PTN: variants seen among roughly 807,000 people sequenced by gnomAD.
The protein encoded by PTN is pleiotrophin.
PTN carries 18 observed loss-of-function variants against 24.1 expected under a neutral mutation model. The observed-to-expected ratio is 0.75, with a 90% CI of 0.52 to 1.11. PTN has a LOEUF of 1.11. PTN is among the 50% of genes least tolerant of loss of function. The probability of loss-of-function intolerance (pLI) is 0.00; values close to 1 mark genes in which losing one functional copy is unlikely to be tolerated. For missense variants in PTN, 163 were observed against 198.8 expected (o/e 0.82, Z 1.08); for synonymous variants, 78 against 68.6 (o/e 1.14, Z -0.67).
chr7:137,302,721 G>T (rs902967607), intron 1 of PTN, among the ~76,000 whole-genome samples: 2 of 151,912 alleles, frequency 1.3e-5, no homozygotes, highest in African/African-American at 4.8e-5. Context: ...ATACTTACCT[G>T]CTGCTTTTAT....
chr7:137,254,305 A>G (rs1037599720), intron 2 of PTN, among the ~76,000 whole-genome samples: 1 of 152,116 alleles, frequency 6.6e-6, no homozygotes, highest in African/African-American at 2.4e-5. Flanking sequence ...CAAAAAAAAA[A>G]AAAAAGAAAT....
intron 4 of PTN, among the ~76,000 whole-genome samples, chr7:137,249,081 C>T (rs1808776517): frequency 6.6e-6 from 1 of 151,980 alleles, no homozygotes; most frequent in African/African-American, 2.4e-5. Flanking sequence ...GAAGACTTCA[C>T]TTATTTCCTA....
chr7:137,239,787 T>C (rs1272137201), intron 4 of PTN, among the ~76,000 whole-genome samples: 3 of 152,176 alleles, frequency 2.0e-5, no homozygotes, highest in Non-Finnish European at 2.9e-5. Context: ...GAATAAGTTG[T>C]AGTATACGAA....
chr7:137,268,182 G>C (rs536442786), intron 1 of PTN, among the ~76,000 whole-genome samples: 1 of 151,964 alleles, frequency 6.6e-6, no homozygotes, highest in Non-Finnish European at 1.5e-5. Context: ...CGGCTCTGGC[G>C]AGGCATCCCA....
intron 1 of PTN, among the ~76,000 whole-genome samples, chr7:137,295,866 T>C (rs1298475153): frequency 6.6e-6 from 1 of 151,902 alleles, no homozygotes; most frequent in Admixed American, 6.6e-5. Flanking sequence ...ATAAAGAAAC[T>C]TGAACCTAGC....
In PTN at chr7:137,283,952, A is replaced by ATTTTTTTTT. The variant is rs753374720; in HGVS notation, c.-1-28987_-1-28979dup. On this transcript the variant is annotated intron_variant, in intron 1 of 4. Coordinates refer to ENST00000348225, the MANE Select transcript of PTN (RefSeq NM_002825.7). ...AAATGAATGTGAAAATGAGCATCAGATTTTTTTTTTTTTTTTTTTTTTTTT... is the reference window on the plus strand; with the variant it reads ...AAATGAATGTGAAAATGAGCATCAGATTTTTTTTTTTTTTTTTTTTTTTTTTTTTTTTTT... Among the ~76,000 whole-genome samples the ATTTTTTTTT allele has an allele frequency of 3.3e-3, 159 of 48,916 alleles. 35 individuals are homozygous for ATTTTTTTTT. The highest frequency in any genetic ancestry group is 0.011 in the East Asian group (14 of 1,294). The allele number at this position is 48,916 out of a possible 152,430, so 32.1% of individuals were successfully genotyped here. A position where few individuals can be genotyped will look rare whatever the true frequency, so the allele number is the denominator to read the frequency against.
intron 1 of PTN, among the ~76,000 whole-genome samples, chr7:137,320,234 T>C (rs1810140612): frequency 6.6e-6 from 1 of 152,202 alleles, no homozygotes; most frequent in South Asian, 2.1e-4. Context: ...CGCCCACACA[T>C]TCACAGGCAC....
intron 3 of PTN, among the ~76,000 whole-genome samples, chr7:137,252,114 T>C (rs1409116985): frequency 6.6e-6 from 1 of 151,940 alleles, no homozygotes; most frequent in Non-Finnish European, 1.5e-5. Flanking sequence ...AATACTCTTT[T>C]TCCACTGTGG....
chr7:137,254,287 C>T (rs1808878914), intron 2 of PTN, among the ~76,000 whole-genome samples: 1 of 146,136 alleles, frequency 6.8e-6, no homozygotes, highest in Admixed American at 6.9e-5. Context: ...CAGAGCGAGA[C>T]TCCAACTCAA....
intron 1 of PTN, among the ~76,000 whole-genome samples, chr7:137,259,715 T>C (rs74575637): frequency 0.049 from 7,509 of 151,750 alleles, 380 homozygotes; most frequent in African/African-American, 0.13. Context: ...CATGATTTAA[T>C]TGAGACCAAC....
Position 137,280,691 on chromosome 7 carries a change from T to TAACAAAAAAAAAAAAA in PTN, c.-1-25718_-1-25717insTTTTTTTTTTTTTGTT, listed in dbSNP as rs760779128. Among the ~76,000 whole-genome samples the TAACAAAAAAAAAAAAA allele has an allele frequency of 3.0e-3, 44 of 14,740 alleles. 3 individuals are homozygous for TAACAAAAAAAAAAAAA. Among genetic ancestry groups the TAACAAAAAAAAAAAAA allele is most frequent in the African/African-American group, 5.2e-3 (29 of 5,528 alleles). 9.7% of individuals were successfully genotyped at this position (14,740 alleles called of 152,430 possible). On this transcript the variant is annotated intron_variant, in intron 1 of 4. Coordinates refer to ENST00000348225, the MANE Select transcript of PTN (RefSeq NM_002825.7). ...CAACATGGCAAAACCCCGTCTCTAC[T>TAACAAAAAAAAAAAAA]AAAAATACAAAAAAAAAAAAAAAAA...
intron 3 of PTN, among the ~76,000 whole-genome samples, chr7:137,251,823 A>C (rs1340801139): frequency 6.6e-6 from 1 of 151,926 alleles, no homozygotes. Context: ...TTTATTTAGC[A>C]TAATTTCCTG....
intron 1 of PTN, among the ~76,000 whole-genome samples, chr7:137,340,264 T>G (rs1810513568): frequency 6.6e-6 from 1 of 152,250 alleles, no homozygotes. Flanking sequence ...ATATTTATAA[T>G]ACCCTCTGAT....
intron 1 of PTN, among the ~76,000 whole-genome samples, chr7:137,325,110 G>A (rs1810237189): frequency 6.6e-6 from 1 of 152,082 alleles, no homozygotes; most frequent in African/African-American, 2.4e-5. Flanking sequence ...CAAATTATCT[G>A]GACCAGGAAT....
intron 1 of PTN, among the ~76,000 whole-genome samples, chr7:137,274,523 C>T (rs1809329460): frequency 6.6e-6 from 1 of 152,062 alleles, no homozygotes; most frequent in African/African-American, 2.4e-5. Context: ...GGCCCCCACC[C>T]CCCGACAGGC....
chr7:137,273,721 A>C (rs1211467270), intron 1 of PTN, among the ~76,000 whole-genome samples: 4 of 152,102 alleles, frequency 2.6e-5, no homozygotes, highest in Non-Finnish European at 5.9e-5. Context: ...TGTGAGGGGG[A>C]AAGGAATAGA....
intron 4 of PTN, among the ~76,000 whole-genome samples, chr7:137,250,505 G>C (rs115066438): frequency 1.8e-3 from 272 of 152,318 alleles, no homozygotes; most frequent in African/African-American, 6.1e-3. Flanking sequence ...GTGACATTGT[G>C]AGGGGGTTAA....
At chr7:137,304,183 C>A (rs950501772) in intron 1 of PTN, among the ~76,000 whole-genome samples, 1 of 151,994 alleles carries the variant, frequency 6.6e-6, no homozygotes, top group Non-Finnish European at 1.5e-5. Context: ...TTCCTCTGAT[C>A]TTTCCCTTCT....
chr7:137,263,261 T>A (rs1011252599), intron 1 of PTN, among the ~76,000 whole-genome samples: 1 of 152,184 alleles, frequency 6.6e-6, no homozygotes, highest in Admixed American at 6.5e-5. Context: ...GGAACCACCT[T>A]CTAAACATGG....
Sources: gnomAD v4.1 joint callset for allele counts (sites outside exome capture counted in the v4.1 genomes callset) on GRCh38, gnomAD v4.1.1 for gene constraint, MANE v1.5 for transcripts, NCBI Gene and HGNC (gene_info 2026-07-23, HGNC 2026-07-21) for gene names.